Variants in WNT2B observed in about 807,000 individuals in gnomAD.
The protein encoded by WNT2B is protein Wnt-2b.
WNT2B carries 19 observed loss-of-function variants against 40.5 expected under a neutral mutation model. The observed-to-expected ratio is 0.47, with a 90% CI of 0.33 to 0.69. The LOEUF is 0.69. WNT2B is among the 30% of genes least tolerant of loss of function. The pLI is 0.02. For missense variants in WNT2B, 467 were observed against 556.4 expected (o/e 0.84, Z 1.62); for synonymous variants, 220 against 211.9 (o/e 1.04, Z -0.33).
At chr1:112,505,949 T>C (rs1436798720), upstream of WNT2B, among the ~76,000 whole-genome samples, 2 of 152,214 alleles carry the variant, frequency 1.3e-5, no homozygotes, top group African/African-American at 2.4e-5. Context: ...CTGATGTTTC[T>C]GGCTGTACCC....
chr1:112,525,782 G>C lies in WNT2B; in HGVS notation c.*5273G>C, dbSNP rs1208946092. ...CCTGGCCAAACAGAAAGGCTAAGCT[G>C]AATGAAGAAAAAAGGAAGACAATTT... On this transcript the variant is annotated 3_prime_UTR_variant, in exon 5 of 5. Coordinates refer to ENST00000369684, the MANE Select transcript of WNT2B (RefSeq NM_024494.3). 2 of 510,528 alleles carry C rather than the reference G, an allele frequency of 3.9e-6. No individual in the cohort carries two copies. The highest frequency in any genetic ancestry group is 6.6e-6 in the Non-Finnish European group (2 of 305,254). The allele number at this position is 510,528 out of a possible 1,614,324, so 31.6% of individuals were successfully genotyped here.
At position 112,526,087 on chromosome 1, in the gene WNT2B, G is replaced by A; in HGVS notation, c.*5578G>A. 1 of 1,614,188 alleles carries A rather than the reference G, an allele frequency of 6.2e-7. No individual in the cohort carries two copies. Among genetic ancestry groups the A allele is most frequent in the Non-Finnish European group, 8.5e-7 (1 of 1,180,032 alleles). ...TCCTCAAAGCCTGAGGATGCCCAGG[G>A]TTGGGGGCACCAGAGTCCCAGCACC... is the stretch of plus-strand genomic sequence containing the variant. On this transcript the variant is annotated 3_prime_UTR_variant, in exon 5 of 5. Transcript: ENST00000369684.
chr1:112,467,680 G>A (rs1056529959), intron 1 of WNT2B: 2 of 704,748 alleles, frequency 2.8e-6, no homozygotes, highest in Admixed American at 4.2e-5. Context: ...ATATTTATGG[G>A]GTATATATGA....
chr1:112,495,392 T>A (rs566121295), intron 1 of WNT2B, among the ~76,000 whole-genome samples: 2 of 151,766 alleles, frequency 1.3e-5, no homozygotes, highest in African/African-American at 2.4e-5. Flanking sequence ...CTGGCTAACA[T>A]GGTGAAACCC....
chr1:112,525,040 T>C lies in WNT2B; in HGVS notation c.*4531T>C, dbSNP rs1387365595. 4 of 152,050 alleles carry C rather than the reference T, an allele frequency of 2.6e-5. No homozygotes were observed. The highest frequency in any genetic ancestry group is 2.9e-5 in the Non-Finnish European group (2 of 68,018). 9.4% of individuals were successfully genotyped at this position (152,050 alleles called of 1,614,324 possible). On this transcript the variant is annotated 3_prime_UTR_variant, in exon 5 of 5. Coordinates refer to ENST00000369684, the MANE Select transcript of WNT2B (RefSeq NM_024494.3). ...GGGCATGGTGAGGAGAGATCAGTGG[T>C]GAAGAATTACCATCAAAGCAGAGTG...
intron 1 of WNT2B, among the ~76,000 whole-genome samples, chr1:112,496,119 T>C (rs1261179345): frequency 6.6e-6 from 1 of 152,146 alleles, no homozygotes; most frequent in Non-Finnish European, 1.5e-5. Context: ...TGGGTGTTTG[T>C]TTTTGTTTCT....
chr1:112,508,719 G>A, upstream of WNT2B: 1 of 985,870 alleles, frequency 1.0e-6, no homozygotes, highest in Non-Finnish European at 1.2e-6. This position sits in a 1 kb window ranked among gnomAD's most constrained non-coding sequence, Gnocchi z 4.2. Flanking sequence ...CGCGGTGTCG[G>A]CAGGGACTGG....
At position 112,526,231 on chromosome 1, in the gene WNT2B, C is replaced by A; in HGVS notation, c.*5722C>A. On this transcript the variant is annotated 3_prime_UTR_variant, in exon 5 of 5. Transcript: ENST00000369684. Reference sequence around the variant, plus strand: ...CCTAGGCCCTCCTGAACCTTATCAACCAATGGCTCTTTTGCCATTTCTGCC... The same window carrying A: ...CCTAGGCCCTCCTGAACCTTATCAAACAATGGCTCTTTTGCCATTTCTGCC... 2 of 1,384,564 alleles carry A rather than the reference C, an allele frequency of 1.4e-6. No individual in the cohort carries two copies. The highest frequency in any genetic ancestry group is 2.0e-6 in the Non-Finnish European group (2 of 1,020,502). The allele number at this position is 1,384,564 out of a possible 1,614,324, so 85.8% of individuals were successfully genotyped here. A position where few individuals can be genotyped will look rare whatever the true frequency, so the allele number is the denominator to read the frequency against.
chr1:112,516,333 C>T lies in WNT2B; in HGVS notation c.597C>T (p.Ala199=). 2 of 1,614,048 alleles carry T rather than the reference C, an allele frequency of 1.2e-6. No homozygotes were observed. Among genetic ancestry groups the T allele is most frequent in the Non-Finnish European group, 1.7e-6 (2 of 1,180,010 alleles). ...ACATCCACTACGGTGTCCGTTTTGC[C>T]AAGGCCTTCGTGGATGCCAAGGAGA... ...SDNIHYGVRF[A]KAFVDAKEKR... is the part of the protein sequence containing the mutation. The change falls in exon 3 of 5, where the codon GCC becomes GCT. Residue 199 remains alanine, a synonymous_variant. Coordinates refer to ENST00000369684, the MANE Select transcript of WNT2B (RefSeq NM_024494.3).
chr1:112,492,043 G>A (rs548571444), intron 1 of WNT2B, among the ~76,000 whole-genome samples: 2 of 152,158 alleles, frequency 1.3e-5, no homozygotes, highest in East Asian at 1.9e-4. Context: ...GACAAGTCAC[G>A]TAAATAAAAT....
chr1:112,492,372 T>C (rs1570775010), intron 1 of WNT2B, among the ~76,000 whole-genome samples: 1 of 152,254 alleles, frequency 6.6e-6, no homozygotes, highest in African/African-American at 2.4e-5. Flanking sequence ...CAGAAACCCA[T>C]GAGCAGGAAC....
chr1:112,508,945 C>A, upstream of WNT2B: 3 of 1,183,068 alleles, frequency 2.5e-6, no homozygotes, highest in Non-Finnish European at 3.1e-6. The surrounding 1 kb of genome is among the most constrained non-coding windows in gnomAD (Gnocchi z 4.2). Context: ...AATGAGAGCC[C>A]GCGGCCGAAG....
In WNT2B at chr1:112,509,159, C is replaced by T. The variant is rs148494162; in HGVS notation, c.-104C>T. On this transcript the variant is annotated 5_prime_UTR_variant, in exon 1 of 5. Coordinates refer to ENST00000369684, the MANE Select transcript of WNT2B (RefSeq NM_024494.3). The surrounding 1 kb of genome is among the most constrained non-coding windows in gnomAD (Gnocchi z 4.2). Reference sequence around the variant, plus strand: ...TCCTAGGTCCCCAGCCGCCGGCGAACACCATGGCCCCCCAGGGGGGTGAGG... The same window carrying T: ...TCCTAGGTCCCCAGCCGCCGGCGAATACCATGGCCCCCCAGGGGGGTGAGG... 14,718 of 1,379,224 alleles carry T rather than the reference C, an allele frequency of 0.011. 103 individuals are homozygous for T. Among genetic ancestry groups the T allele is most frequent in the Non-Finnish European group, 0.012 (12,997 of 1,075,428 alleles). 85.4% of individuals were successfully genotyped at this position (1,379,224 alleles called of 1,614,324 possible). A position where few individuals can be genotyped will look rare whatever the true frequency, so the allele number is the denominator to read the frequency against.
chr1:112,524,930 A>G lies in WNT2B; in HGVS notation c.*4421A>G, dbSNP rs1653175733. On this transcript the variant is annotated 3_prime_UTR_variant, in exon 5 of 5. Coordinates refer to ENST00000369684, the MANE Select transcript of WNT2B (RefSeq NM_024494.3). ...CTGGCTTTAATCAAGGAATATCTAC[A>G]AAGTCACATTACCAACCTGCAGGCA... The G allele has an allele frequency of 6.6e-6, 1 of 152,242 alleles. No individual in the cohort carries two copies. Among genetic ancestry groups the G allele is most frequent in the African/African-American group, 2.4e-5 (1 of 41,454 alleles). The allele number at this position is 152,242 out of a possible 1,614,324, so 9.4% of individuals were successfully genotyped here. A position where few individuals can be genotyped will look rare whatever the true frequency, so the allele number is the denominator to read the frequency against.
chr1:112,473,900 CAA>C (rs1253321068), intron 1 of WNT2B, among the ~76,000 whole-genome samples: 13 of 114,404 alleles, frequency 1.1e-4, no homozygotes, highest in Non-Finnish European at 1.5e-4. Context: ...ACTAAAAATA[CAA>C]AAAAAAAAAA....
intron 1 of WNT2B, among the ~76,000 whole-genome samples, chr1:112,471,350 G>A (rs918365101): frequency 2.0e-5 from 3 of 152,164 alleles, no homozygotes; most frequent in Non-Finnish European, 4.4e-5. Flanking sequence ...ATAGCAGAGG[G>A]ATTCTCACCG....
intron 1 of WNT2B, chr1:112,491,130 G>T: frequency 3.8e-6 from 6 of 1,571,036 alleles, no homozygotes; most frequent in Non-Finnish European, 5.2e-6. Context: ...AAATAAATTG[G>T]CCTGCACGGT....
chr1:112,467,678 G>A, intron 1 of WNT2B: 1 of 709,830 alleles, frequency 1.4e-6, no homozygotes, highest in South Asian at 1.5e-5. Flanking sequence ...ACATATTTAT[G>A]GGGTATATAT....
chr1:112,483,698 A>G (rs1651304292), intron 1 of WNT2B, among the ~76,000 whole-genome samples: 1 of 151,960 alleles, frequency 6.6e-6, no homozygotes, highest in Admixed American at 6.6e-5. Context: ...AGTCTAAGGA[A>G]TGGGAGAAAA....
Sources: gnomAD v4.1 joint callset for allele counts (sites outside exome capture counted in the v4.1 genomes callset) on GRCh38, gnomAD v4.1.1 for gene constraint, Gnocchi (gnomAD v3.1) non-coding constraint, MANE v1.5 for transcripts, NCBI Gene and HGNC (gene_info 2026-07-23, HGNC 2026-07-21) for gene names.